Variants in ELFN1 observed in about 807,000 individuals in gnomAD.
ELFN1 encodes the protein extracellular leucine rich repeat and fibronectin type III domain containing 1.
ELFN1 carries 6 observed loss-of-function variants against 7.6 expected under a neutral mutation model. The ratio of observed to expected loss-of-function variants is 0.79; its 90% CI spans 0.43 to 1.56. The LOEUF is 1.56. Among genes scored for constraint, ELFN1 ranks in the 40% most tolerant of loss-of-function variants. The probability of loss-of-function intolerance (pLI) is 0.01; values close to 1 mark genes in which losing one functional copy is unlikely to be tolerated. For missense variants in ELFN1, 1,169 were observed against 1,232.2 expected, an observed-to-expected ratio of 0.95 and a Z score of 0.77; for synonymous variants, 657 against 588.1, an observed-to-expected ratio of 1.12 and a Z score of -1.70.
chr7:1,672,533 G>A (rs1778786705), intron 1 of ELFN1, among the ~76,000 whole-genome samples: 1 of 152,174 alleles, frequency 6.6e-6, no homozygotes, highest in Admixed American at 6.5e-5. Flanking sequence ...AAAATTAATG[G>A]GACTAAAATA....
chr7:1,712,852 G>A (rs1472943988), intron 3 of ELFN1, among the ~76,000 whole-genome samples: 2 of 152,180 alleles, frequency 1.3e-5, no homozygotes, highest in Admixed American at 6.5e-5. Flanking sequence ...TATCAGGACA[G>A]CTTCAAGTCC....
intron 1 of ELFN1, among the ~76,000 whole-genome samples, chr7:1,674,218 C>T (rs1002751070): frequency 5.3e-5 from 8 of 150,658 alleles, no homozygotes; most frequent in Admixed American, 1.3e-4. Context: ...ACCACTCCTC[C>T]GCTCCCTGCT....
At chr7:1,693,171 G>C (rs1198325497) in intron 2 of ELFN1, 1 of 365,166 alleles carries the variant, frequency 2.7e-6, no homozygotes, top group African/African-American at 2.1e-5. Flanking sequence ...CAGATGCTGG[G>C]TTCCGCTGGG....
chr7:1,720,905 C>T (rs1408066178), intron 3 of ELFN1, among the ~76,000 whole-genome samples: 2 of 152,206 alleles, frequency 1.3e-5, no homozygotes, highest in South Asian at 2.1e-4. Flanking sequence ...CAGCCCCACA[C>T]CCATCCTGCC....
At position 1,708,568 on chromosome 7, in the gene ELFN1, CA is replaced by C. The variant is rs1345781622; in HGVS notation, c.-455-522del. ...GGAGGTGCCAGGGAGAGGGCCCTGC[CA>C]GGGGTGGAGCAGTTCTGGTGAGCAT... On this transcript the variant is annotated intron_variant, in intron 2 of 3. Coordinates refer to ENST00000424383, the MANE Select transcript of ELFN1 (RefSeq NM_001128636.4). Among the ~76,000 whole-genome samples the C allele has an allele frequency of 1.3e-4, 20 of 152,204 alleles. 1 individual carries two copies. Among genetic ancestry groups the C allele is most frequent in the Admixed American group, 2.6e-4 (4 of 15,284 alleles).
rs752501033 is a variant in ELFN1 at position 1,720,600 on chromosome 7, T to C, written c.-294+11348T>C. Among the ~76,000 whole-genome samples, 162 of 152,302 alleles carry C rather than the reference T, an allele frequency of 1.1e-3. 1 individual carries two copies. Among genetic ancestry groups the C allele is most frequent in the Non-Finnish European group, 1.8e-3 (120 of 68,004 alleles). ...AGATGGCTCTTTGCGCCAGCTTGTG[T>C]GCCAAGAACCTCAGCAGGTTGTGAT... On this transcript the variant is annotated intron_variant, in intron 3 of 3. Coordinates refer to ENST00000424383, the MANE Select transcript of ELFN1 (RefSeq NM_001128636.4).
At chr7:1,693,436 G>T (rs760336386) in intron 2 of ELFN1, 48 of 471,318 alleles carry the variant, frequency 1.0e-4, no homozygotes, top group Middle Eastern at 3.2e-4. Context: ...ACACATAGGT[G>T]ACATGGGCTT....
chr7:1,745,048 G>C lies in ELFN1; in HGVS notation c.452G>C (p.Ser151Thr). 2 of 1,551,078 alleles carry C rather than the reference G, an allele frequency of 1.3e-6. No individual in the cohort carries two copies. Among genetic ancestry groups the C allele is most frequent in the Non-Finnish European group, 1.7e-6 (2 of 1,146,990 alleles). The change falls in exon 4 of 4, where the codon AGC becomes ACC. Residue 151 changes from serine (S) to threonine (T), a missense_variant. By Grantham distance (58) the Ser-to-Thr change is moderately conservative. Transcript: ENST00000424383. ...ANLIEVVMAS[S>T]FWECPNIVNI... Reference sequence around the variant, plus strand: ...CTCATCGAGGTGGTCATGGCCAGCAGCTTCTGGGAGTGTCCCAACATCGTC... The same window carrying C: ...CTCATCGAGGTGGTCATGGCCAGCACCTTCTGGGAGTGTCCCAACATCGTC...
At chr7:1,701,411 A>G (rs1272971654) in intron 2 of ELFN1, among the ~76,000 whole-genome samples, 1 of 152,144 alleles carries the variant, frequency 6.6e-6, no homozygotes, top group Non-Finnish European at 1.5e-5. Context: ...CTAGCTTTTC[A>G]TAGTATATTT....
intron 3 of ELFN1, among the ~76,000 whole-genome samples, chr7:1,715,348 C>A (rs1779797214): frequency 6.6e-6 from 1 of 152,218 alleles, no homozygotes; most frequent in Non-Finnish European, 1.5e-5. Context: ...GTTCTCCCTG[C>A]TTCCGCCTCC....
At chr7:1,707,043 A>G (rs756520566) in intron 2 of ELFN1, among the ~76,000 whole-genome samples, 1 of 151,966 alleles carries the variant, frequency 6.6e-6, no homozygotes, top group Non-Finnish European at 1.5e-5. Context: ...GCACGCACAT[A>G]CATGTCTGTG....
intron 1 of ELFN1, among the ~76,000 whole-genome samples, chr7:1,671,177 C>G (rs1056238826): frequency 2.3e-4 from 35 of 151,910 alleles, no homozygotes; most frequent in Admixed American, 4.6e-4. Flanking sequence ...ACCGCCCCCC[C>G]CCCCATAAAA....
At position 1,745,350 on chromosome 7, in the gene ELFN1, G is replaced by A. The variant is rs1780746247; in HGVS notation, c.754G>A (p.Glu252Lys). The change falls in exon 4 of 4, where the codon GAG becomes AAG. Residue 252 changes from glutamate to lysine, a missense_variant. Glu to Lys is a moderately conservative substitution (Grantham distance 56). This residue lies in a region of ELFN1 where 914 missense variants were observed against 872.6 expected (regional missense o/e 1.05). Transcript: ENST00000424383. ...CAGCAAACTGCAGTCAGTCTGCACC[G>A]AGGACTCGTACGCGGCTGAGGTGGT... ...ILSKLQSVCTEDSYAAEVVGP... is the reference protein window; with the variant it reads ...ILSKLQSVCTKDSYAAEVVGP... 6.5e-6 allele frequency: 10 copies of A among 1,539,946 alleles called. No individual in the cohort carries two copies. Among genetic ancestry groups the A allele is most frequent in the Non-Finnish European group, 7.0e-6 (8 of 1,146,532 alleles).
intron 3 of ELFN1, among the ~76,000 whole-genome samples, chr7:1,733,533 C>T (rs562317587): frequency 2.0e-5 from 3 of 152,190 alleles, no homozygotes; most frequent in South Asian, 2.1e-4. Flanking sequence ...GCACCCCTTC[C>T]GACTGTGGAA....
chr7:1,673,932 G>A lies in ELFN1; in HGVS notation c.-549+3578G>A, dbSNP rs1778816361. Among the ~76,000 whole-genome samples the A allele has an allele frequency of 6.6e-6, 1 of 152,204 alleles. No individual in the cohort carries two copies. Among genetic ancestry groups the A allele is most frequent in the African/African-American group, 2.4e-5 (1 of 41,444 alleles). On this transcript the variant is annotated intron_variant, in intron 1 of 3. Coordinates refer to ENST00000424383, the MANE Select transcript of ELFN1 (RefSeq NM_001128636.4). The surrounding 1 kb of genome is among the most constrained non-coding windows in gnomAD (Gnocchi z 4.7). ...GAGAAGAGCTGGAACCCAGGCTGAGGCAGGAGGGGGTCCAGCAGGGCTTGA... is the reference window on the plus strand; with the variant it reads ...GAGAAGAGCTGGAACCCAGGCTGAGACAGGAGGGGGTCCAGCAGGGCTTGA...
intron 1 of ELFN1, among the ~76,000 whole-genome samples, chr7:1,678,172 G>T (rs950965313): frequency 3.3e-5 from 5 of 151,142 alleles, no homozygotes; most frequent in African/African-American, 1.2e-4. Flanking sequence ...CATGCACAGT[G>T]TGTGTGCCAC....
At chr7:1,679,554 C>T (rs939836683) in intron 1 of ELFN1, among the ~76,000 whole-genome samples, 1 of 152,190 alleles carries the variant, frequency 6.6e-6, no homozygotes, top group African/African-American at 2.4e-5. Context: ...AGGCTGCTGC[C>T]TCAGCCCCGT....
chr7:1,686,311 G>GTTCT (rs1554247072), intron 1 of ELFN1, among the ~76,000 whole-genome samples: 2 of 113,964 alleles, frequency 1.8e-5, no homozygotes, highest in African/African-American at 7.2e-5. Flanking sequence ...GTTTGTCCTT[G>GTTCT]TTTTTTTTTT....
intron 1 of ELFN1, among the ~76,000 whole-genome samples, chr7:1,687,539 G>A (rs767794603): frequency 4.0e-5 from 6 of 151,854 alleles, no homozygotes; most frequent in Non-Finnish European, 7.4e-5. Flanking sequence ...AACTGCATAG[G>A]ACTGTACAGT....
Sources: allele counts gnomAD v4.1 joint callset (sites outside exome capture counted in the v4.1 genomes callset), GRCh38; gene constraint gnomAD v4.1.1; regional missense constraint gnomAD v4.1.1; non-coding constraint Gnocchi (gnomAD v3.1); transcripts MANE v1.5; gene names NCBI Gene and HGNC (gene_info 2026-07-23, HGNC 2026-07-21).